SYNPR: variants seen among roughly 807,000 people sequenced by gnomAD.
SYNPR encodes synaptoporin.
Under a neutral mutation model 32.9 loss-of-function variants are expected in SYNPR, and 23 were observed. The ratio of observed to expected loss-of-function variants is 0.70; its 90% CI spans 0.50 to 0.99. The LOEUF (loss-of-function observed/expected upper bound fraction) is 0.99. SYNPR is among the 50% of genes least tolerant of loss of function. The pLI, the probability that SYNPR is intolerant of heterozygous loss-of-function variation, is 0.00. For missense variants in SYNPR, 318 were observed against 349.3 expected (o/e 0.91, Z 0.71); for synonymous variants, 146 against 135.9 (o/e 1.07, Z -0.52).
chr3:63,440,097 C>G (rs553230725), intron 2 of SYNPR, among the ~76,000 whole-genome samples: 3 of 152,064 alleles, frequency 2.0e-5, no homozygotes, highest in Non-Finnish European at 4.4e-5. Flanking sequence ...AGAGGAATTA[C>G]TGGAGAAAGT....
chr3:63,527,731 G>C (rs181103850), intron 3 of SYNPR, among the ~76,000 whole-genome samples: 1 of 152,100 alleles, frequency 6.6e-6, no homozygotes, highest in Non-Finnish European at 1.5e-5. Flanking sequence ...TGCTGTTTAA[G>C]CCCAGCAACC....
intron 3 of SYNPR, among the ~76,000 whole-genome samples, chr3:63,536,572 A>G (rs187404092): frequency 1.3e-5 from 2 of 152,330 alleles, no homozygotes; most frequent in Admixed American, 1.3e-4. Context: ...TGTTAAACAT[A>G]TGATTATGTT....
rs1700270955 is a variant in SYNPR, at chr3:63,615,748, A to G, written c.*267A>G. 5.9e-6 allele frequency: 2 copies of G among 341,730 alleles called. No individual in the cohort carries two copies. Among genetic ancestry groups the G allele is most frequent in the Non-Finnish European group, 1.1e-5 (2 of 189,468 alleles). 21.2% of individuals were successfully genotyped at this position (341,730 alleles called of 1,614,324 possible). ...ACAGATACTTTCATGGTCATTTTGT[A>G]TGTATGTTAAAGTAGTAGAAGTATT... On this transcript the variant is annotated 3_prime_UTR_variant, in exon 6 of 6. Coordinates refer to ENST00000478300, the MANE Select transcript of SYNPR (RefSeq NM_001130003.2).
At chr3:63,357,754 A>C (rs1209100662) in intron 2 of SYNPR, among the ~76,000 whole-genome samples, 1 of 152,230 alleles carries the variant, frequency 6.6e-6, no homozygotes. Context: ...ATTCAGATTC[A>C]ATTAGTCTAT....
intron 4 of SYNPR, chr3:63,561,657 A>G (rs758290887): frequency 2.6e-5 from 4 of 152,228 alleles, no homozygotes; most frequent in Non-Finnish European, 5.9e-5. Flanking sequence ...ACAGCCATGC[A>G]TCTGTCGTAC....
intron 4 of SYNPR, among the ~76,000 whole-genome samples, chr3:63,580,352 A>G (rs1302576137): frequency 6.6e-6 from 1 of 152,210 alleles, no homozygotes; most frequent in Non-Finnish European, 1.5e-5. Context: ...AAATACTTTA[A>G]AAACTATTCT....
At chr3:63,435,079 T>C (rs183992803) in intron 2 of SYNPR, among the ~76,000 whole-genome samples, 12 of 152,300 alleles carry the variant, frequency 7.9e-5, no homozygotes, top group Admixed American at 7.2e-4. Flanking sequence ...TCTAAACAAC[T>C]GTCAGGAAGG....
At chr3:63,259,912 C>A (rs2086422146) in intron 2 of SYNPR, among the ~76,000 whole-genome samples, 1 of 152,194 alleles carries the variant, frequency 6.6e-6, no homozygotes, top group South Asian at 2.1e-4. Context: ...AAATCACAAG[C>A]ATTCTTATAC....
intron 2 of SYNPR, among the ~76,000 whole-genome samples, chr3:63,458,274 C>T (rs1700521021): frequency 6.6e-6 from 1 of 152,044 alleles, no homozygotes; most frequent in Non-Finnish European, 1.5e-5. Context: ...ACAACACAAC[C>T]CAAAATTTAA....
chr3:63,587,285 G>T (rs1027192188), intron 4 of SYNPR, among the ~76,000 whole-genome samples: 1 of 152,048 alleles, frequency 6.6e-6, no homozygotes, highest in Non-Finnish European at 1.5e-5. Flanking sequence ...CTTAACATTT[G>T]TATTTAATTT....
intron 2 of SYNPR, among the ~76,000 whole-genome samples, chr3:63,469,559 G>A (rs1700757950): frequency 6.6e-6 from 1 of 152,130 alleles, no homozygotes; most frequent in South Asian, 2.1e-4. Flanking sequence ...CTCTAATCAG[G>A]TGTCAGAGAA....
chr3:63,332,959 C>T (rs1199488957), intron 2 of SYNPR, among the ~76,000 whole-genome samples: 2 of 152,056 alleles, frequency 1.3e-5, no homozygotes, highest in Non-Finnish European at 2.9e-5. Context: ...GTAATACATC[C>T]CCCTGCCCCA....
chr3:63,451,291 G>A (rs758600965), intron 2 of SYNPR, among the ~76,000 whole-genome samples: 1 of 152,104 alleles, frequency 6.6e-6, no homozygotes, highest in Non-Finnish European at 1.5e-5. Context: ...AGTGCTTGAG[G>A]TTAGGGGAAC....
At chr3:63,324,362 C>T (rs1339807924) in intron 2 of SYNPR, among the ~76,000 whole-genome samples, 2 of 152,062 alleles carry the variant, frequency 1.3e-5, no homozygotes, top group Non-Finnish European at 1.5e-5. Context: ...CAATAAAGAG[C>T]CTTGAAGGCT....
At chr3:63,339,886 A>T (rs1185511631) in intron 2 of SYNPR, among the ~76,000 whole-genome samples, 6 of 152,050 alleles carry the variant, frequency 3.9e-5, no homozygotes, top group Non-Finnish European at 4.4e-5. Flanking sequence ...CGAACTCCTG[A>T]CCTCAGGTGA....
At chr3:63,518,950 G>T (rs561464659) in intron 3 of SYNPR, among the ~76,000 whole-genome samples, 1 of 152,260 alleles carries the variant, frequency 6.6e-6, no homozygotes, top group East Asian at 1.9e-4. Flanking sequence ...TACCTAGTTT[G>T]TTGAGGGTTT....
chr3:63,282,561 T>C (rs1240132462), intron 2 of SYNPR, among the ~76,000 whole-genome samples: 1 of 152,020 alleles, frequency 6.6e-6, no homozygotes, highest in African/African-American at 2.4e-5. Context: ...TGCATGCCTA[T>C]AGCCCCAGCT....
chr3:63,443,257 G>A (rs1221058881), intron 2 of SYNPR: 14 of 1,429,698 alleles, frequency 9.8e-6, no homozygotes, highest in Non-Finnish European at 1.3e-5. Flanking sequence ...TGCAAATGAG[G>A]CTGAAGCTGC....
chr3:63,271,233 G>A (rs1157143936), intron 3 of SYNPR, among the ~76,000 whole-genome samples: 2 of 152,142 alleles, frequency 1.3e-5, no homozygotes, highest in African/African-American at 4.8e-5. Context: ...TTCTCTGTGT[G>A]TGGGTGGATT....
Sources: gnomAD v4.1 joint callset for allele counts (sites outside exome capture counted in the v4.1 genomes callset) on GRCh38, gnomAD v4.1.1 for gene constraint, MANE v1.5 for transcripts, NCBI Gene and HGNC (gene_info 2026-07-23, HGNC 2026-07-21) for gene names.